The following NXPH2 variants were observed in gnomAD, a reference collection of about 807,000 sequenced individuals.
The protein encoded by NXPH2 is neurexophilin 2.
NXPH2 carries 5 observed loss-of-function variants against 19.8 expected under a neutral mutation model. The ratio of observed to expected loss-of-function variants is 0.25; its 90% CI spans 0.13 to 0.53. The LOEUF (loss-of-function observed/expected upper bound fraction) is 0.53, where lower values mean the gene tolerates loss of function less well. NXPH2 is among the 20% of genes least tolerant of loss of function. The pLI is 0.96. For missense variants in NXPH2, 289 were observed against 322.8 expected (o/e 0.90, Z 0.80); for synonymous variants, 154 against 127.4 (o/e 1.21, Z -1.41).
At chr2:138,698,793 G>A (rs537312940) in intron 1 of NXPH2, among the ~76,000 whole-genome samples, 2 of 152,154 alleles carry the variant, frequency 1.3e-5, no homozygotes, top group Non-Finnish European at 2.9e-5. Context: ...ATTAGAGGGG[G>A]CAGTAAGCTA....
chr2:138,710,161 A>C (rs1422402029), intron 1 of NXPH2, among the ~76,000 whole-genome samples: 1 of 152,170 alleles, frequency 6.6e-6, no homozygotes, highest in Non-Finnish European at 1.5e-5. Context: ...GGAGTCATAC[A>C]ATATTTGTCC....
At chr2:138,688,707 T>C (rs1176024310) in intron 1 of NXPH2, among the ~76,000 whole-genome samples, 1 of 152,156 alleles carries the variant, frequency 6.6e-6, no homozygotes, top group Admixed American at 6.6e-5. Context: ...ATGACAAAAA[T>C]GAAACTTGAA....
At chr2:138,766,583 C>A (rs1367692709) in intron 1 of NXPH2, among the ~76,000 whole-genome samples, 7 of 152,276 alleles carry the variant, frequency 4.6e-5, no homozygotes, top group Non-Finnish European at 1.0e-4. Flanking sequence ...GGTTGGTACA[C>A]CCTGCCCTAC....
intron 1 of NXPH2, among the ~76,000 whole-genome samples, chr2:138,759,457 G>A (rs1019884316): frequency 3.3e-5 from 5 of 152,188 alleles, no homozygotes; most frequent in South Asian, 4.2e-4. Context: ...ATGTTCACAG[G>A]ATGGCTGCTG....
At chr2:138,759,948 C>T (rs567310714) in intron 1 of NXPH2, among the ~76,000 whole-genome samples, 1 of 152,130 alleles carries the variant, frequency 6.6e-6, no homozygotes, top group South Asian at 2.1e-4. Context: ...CCAGGATGGA[C>T]TTGATCTCCT....
At chr2:138,713,135 C>A (rs1242916664) in intron 1 of NXPH2, among the ~76,000 whole-genome samples, 1 of 152,194 alleles carries the variant, frequency 6.6e-6, no homozygotes, top group Non-Finnish European at 1.5e-5. Context: ...TGGGAGAAGC[C>A]TGAATTGAAA....
rs771139726 is a variant in NXPH2, at chr2:138,671,154, C to A, written c.563G>T (p.Arg188Leu). 7.4e-6 allele frequency: 12 copies of A among 1,613,710 alleles called. No individual in the cohort carries two copies. Among genetic ancestry groups the A allele is most frequent in the Non-Finnish European group, 1.0e-5 (12 of 1,179,850 alleles). Residue 188 changes from arginine to leucine, a missense_variant, in exon 2 of 2, where the codon CGC becomes CTC. Transcript: ENST00000272641. Reference protein sequence around the residue: ...ETKESKSFNCRIEYEKTDRAK... With the variant: ...ETKESKSFNCLIEYEKTDRAK... Reference sequence around the variant, plus strand: ...CCGATCTGTTTTTTCATACTCAATGCGACAATTGAAAGATTTGGATTCCTT... The same window carrying A: ...CCGATCTGTTTTTTCATACTCAATGAGACAATTGAAAGATTTGGATTCCTT...
At chr2:138,720,206 G>A (rs1388498664) in intron 1 of NXPH2, among the ~76,000 whole-genome samples, 1 of 151,852 alleles carries the variant, frequency 6.6e-6, no homozygotes, top group East Asian at 1.9e-4. Context: ...CCACTGGAAG[G>A]ACAATGCAAA....
chr2:138,710,669 A>G (rs992677120), intron 1 of NXPH2, among the ~76,000 whole-genome samples: 1 of 152,128 alleles, frequency 6.6e-6, no homozygotes, highest in Non-Finnish European at 1.5e-5. Flanking sequence ...AAATTTTACT[A>G]TAAGCTATTA....
intron 1 of NXPH2, among the ~76,000 whole-genome samples, chr2:138,725,536 T>C (rs977974544): frequency 6.6e-6 from 1 of 152,204 alleles, no homozygotes; most frequent in Admixed American, 6.5e-5. Context: ...GAAGCTAAAA[T>C]CATGGTTTCA....
chr2:138,708,336 A>G (rs1285104269), intron 1 of NXPH2, among the ~76,000 whole-genome samples: 1 of 152,234 alleles, frequency 6.6e-6, no homozygotes, highest in African/African-American at 2.4e-5. Flanking sequence ...AAGATGTTTT[A>G]GAAAGTATCT....
At chr2:138,741,487 A>G (rs1681641294) in intron 1 of NXPH2, among the ~76,000 whole-genome samples, 7 of 152,156 alleles carry the variant, frequency 4.6e-5, no homozygotes, top group Admixed American at 4.6e-4. Context: ...TTTCTTACTA[A>G]TGAGTTCTAG....
intron 1 of NXPH2, among the ~76,000 whole-genome samples, chr2:138,771,149 T>C (rs1682168969): frequency 2.6e-5 from 4 of 152,140 alleles, no homozygotes; most frequent in Admixed American, 2.0e-4. Context: ...GTTACAGGTA[T>C]ACTTACAACT....
chr2:138,709,111 G>C (rs188552255), intron 1 of NXPH2, among the ~76,000 whole-genome samples: 21 of 152,176 alleles, frequency 1.4e-4, no homozygotes, highest in Non-Finnish European at 2.4e-4. Flanking sequence ...CAATCAACGA[G>C]GAAGCTATTT....
At chr2:138,756,551 A>C (rs78384419) in intron 1 of NXPH2, among the ~76,000 whole-genome samples, 1 of 151,884 alleles carries the variant, frequency 6.6e-6, no homozygotes, top group African/African-American at 2.4e-5. Context: ...AAAAGTGTTT[A>C]ACTGAATTTT....
chr2:138,693,548 T>C (rs937880027), intron 1 of NXPH2, among the ~76,000 whole-genome samples: 2 of 152,152 alleles, frequency 1.3e-5, no homozygotes, highest in African/African-American at 4.8e-5. Context: ...AAGGTTGCCA[T>C]ATAAATTATA....
rs575104801 is a variant in NXPH2 at position 138,679,056 on chromosome 2, T to A, written c.52-7391A>T. Among the ~76,000 whole-genome samples the A allele has an allele frequency of 8.5e-5, 13 of 152,356 alleles. 1 individual carries two copies. The South Asian group carries it at 2.7e-3, about 32-fold the overall frequency. ...TATAGGATAACGCTTTCCTACAGGTTCATCATTGTGATAGCTCCGCTTCTT... is the reference window on the plus strand; with the variant it reads ...TATAGGATAACGCTTTCCTACAGGTACATCATTGTGATAGCTCCGCTTCTT... On this transcript the variant is annotated intron_variant, in intron 1 of 1. Transcript: ENST00000272641.
At position 138,775,818 on chromosome 2, in the gene NXPH2, C is replaced by T. The variant is rs192138713; in HGVS notation, c.51+4373G>A. 2.4e-3 allele frequency among the ~76,000 whole-genome samples: 360 copies of T among 152,102 alleles called. 1 individual carries two copies. Among genetic ancestry groups the T allele is most frequent in the African/African-American group, 8.5e-3 (351 of 41,530 alleles). The stretch of plus-strand genomic sequence containing the variant: ...ATCATTTGGACCAATTTTTTAAAGC[C>T]GTTTTGAAATAATTTACTTCCAAAT... On this transcript the variant is annotated intron_variant, in intron 1 of 1. Transcript: ENST00000272641.
chr2:138,732,523 A>G (rs2105000617), intron 1 of NXPH2, among the ~76,000 whole-genome samples: 1 of 152,326 alleles, frequency 6.6e-6, no homozygotes, highest in African/African-American at 2.4e-5. Context: ...CCTTCCAAGT[A>G]AGGTGAGATT....
Sources: allele counts gnomAD v4.1 joint callset (sites outside exome capture counted in the v4.1 genomes callset), GRCh38; gene constraint gnomAD v4.1.1; transcripts MANE v1.5; gene names NCBI Gene and HGNC (gene_info 2026-07-23, HGNC 2026-07-21).